ENDOD1: variants seen among roughly 807,000 people sequenced by gnomAD.
ENDOD1 encodes endonuclease domain-containing 1 protein.
In ENDOD1, 9 loss-of-function variants were observed where a neutral mutation model predicts 6.5. The ratio of observed to expected loss-of-function variants is 1.39; its 90% CI spans 0.84 to 2.43. The LOEUF is 2.43. Among genes scored for constraint, ENDOD1 ranks in the 30% most tolerant of loss-of-function variants. ENDOD1 has a pLI of 0.00. For missense variants in ENDOD1, 648 were observed against 635.5 expected (o/e 1.02, Z -0.21); for synonymous variants, 255 against 255.2 (o/e 1.00, Z 0.01).
chr11:95,094,127 A>T (rs1299214901), intron 1 of ENDOD1, among the ~76,000 whole-genome samples: 1 of 147,984 alleles, frequency 6.8e-6, no homozygotes, highest in Non-Finnish European at 1.5e-5. Flanking sequence ...TATATAAATT[A>T]TATAATTAAT....
chr11:95,122,281 G>T (rs1217850251), intron 1 of ENDOD1, among the ~76,000 whole-genome samples: 3 of 151,936 alleles, frequency 2.0e-5, no homozygotes, highest in African/African-American at 7.3e-5. Flanking sequence ...GGAGTACAAT[G>T]GCATGATCTT....
chr11:95,128,402 AG>A lies in ENDOD1; in HGVS notation c.328del (p.Glu110ArgfsTer12), dbSNP rs1449365235. ...PQIDDPNSNL[E>X]EAINEAEAIT... Reference sequence around the variant, plus strand: ...ATCGATGACCCCAACAGCAACCTTGAGGAGGCGATTAATGAGGCAGAGGCCA... The same window carrying A: ...ATCGATGACCCCAACAGCAACCTTGAGAGGCGATTAATGAGGCAGAGGCCA... On this transcript the variant is annotated frameshift_variant, in exon 2 of 2. Transcript: ENST00000278505. LOFTEE classifies it low-confidence loss of function (END_TRUNC). The A allele has an allele frequency of 6.2e-7, 1 of 1,613,800 alleles. No homozygotes were observed. Among genetic ancestry groups the A allele is most frequent in the Non-Finnish European group, 8.5e-7 (1 of 1,179,836 alleles).
chr11:95,110,543 C>T (rs1267440319), intron 1 of ENDOD1, among the ~76,000 whole-genome samples: 1 of 151,874 alleles, frequency 6.6e-6, no homozygotes, highest in African/African-American at 2.4e-5. Flanking sequence ...TCCCTTCTCT[C>T]TGACAACTCT....
At chr11:95,126,126 C>T (rs1859309952) in intron 1 of ENDOD1, among the ~76,000 whole-genome samples, 1 of 152,174 alleles carries the variant, frequency 6.6e-6, no homozygotes, top group Admixed American at 6.5e-5. Flanking sequence ...GTAGGGTCAA[C>T]CGATAGATTA....
chr11:95,129,439 A>C lies in ENDOD1; in HGVS notation c.1363A>C (p.Ile455Leu). ...MGAIPIVCKD[I>L]ALGLGGTVSL... Reference sequence around the variant, plus strand: ...CGCTATTCCAATTGTTTGCAAGGACATTGCACTGGGCCTTGGTGGCACTGT... The same window carrying C: ...CGCTATTCCAATTGTTTGCAAGGACCTTGCACTGGGCCTTGGTGGCACTGT... Residue 455 changes from isoleucine (I) to leucine (L), a missense_variant, in exon 2 of 2, where the codon ATT becomes CTT. By Grantham distance (5) the Ile-to-Leu change is conservative (BLOSUM62 2). Transcript: ENST00000278505. 1 of 1,614,188 alleles carries C rather than the reference A, an allele frequency of 6.2e-7. No individual in the cohort carries two copies. The highest frequency in any genetic ancestry group is 8.5e-7 in the Non-Finnish European group (1 of 1,180,046).
Position 95,129,725 on chromosome 11 carries a change from A to G in ENDOD1, c.*146A>G. 1 of 811,196 alleles carries G rather than the reference A, an allele frequency of 1.2e-6. No homozygotes were observed. The highest frequency in any genetic ancestry group is 1.8e-5 in the South Asian group (1 of 55,676). 50.2% of individuals were successfully genotyped at this position (811,196 alleles called of 1,614,324 possible). A position where few individuals can be genotyped will look rare whatever the true frequency, so the allele number is the denominator to read the frequency against. ...GCTTGTTTTTGCAAAAGAAGATGGC[A>G]GAATTTAGACTTGACAGAGGAGAAA... On this transcript the variant is annotated 3_prime_UTR_variant, in exon 2 of 2. Transcript: ENST00000278505.
intron 1 of ENDOD1, among the ~76,000 whole-genome samples, chr11:95,125,698 G>GT (rs1167829195): frequency 2.0e-5 from 3 of 151,246 alleles, no homozygotes; most frequent in African/African-American, 7.3e-5. Context: ...GTGGTATTTG[G>GT]TTTTTTGTCC....
intron 1 of ENDOD1, among the ~76,000 whole-genome samples, chr11:95,114,686 G>C (rs1859187183): frequency 1.3e-5 from 2 of 152,034 alleles, no homozygotes; most frequent in African/African-American, 4.8e-5. Context: ...TAACAGATTG[G>C]GGTCTGCTTT....
intron 1 of ENDOD1, among the ~76,000 whole-genome samples, chr11:95,101,482 A>C (rs1467224397): frequency 6.6e-6 from 1 of 152,144 alleles, no homozygotes; most frequent in Non-Finnish European, 1.5e-5. Context: ...TAATCTTTTT[A>C]TTGTCTCGGT....
intron 1 of ENDOD1, among the ~76,000 whole-genome samples, chr11:95,099,127 C>T (rs1371028502): frequency 6.6e-6 from 1 of 152,102 alleles, no homozygotes; most frequent in Non-Finnish European, 1.5e-5. Context: ...CCCCCTTGTA[C>T]AGTCTTGTTC....
intron 1 of ENDOD1, among the ~76,000 whole-genome samples, chr11:95,098,285 G>T (rs1266417034): frequency 6.6e-6 from 1 of 152,150 alleles, no homozygotes; most frequent in Non-Finnish European, 1.5e-5. Context: ...GCCTATAGTT[G>T]ATGATATTGT....
chr11:95,121,465 T>A (rs1269848963), intron 1 of ENDOD1, among the ~76,000 whole-genome samples: 1 of 152,228 alleles, frequency 6.6e-6, no homozygotes, highest in Non-Finnish European at 1.5e-5. Context: ...GTTGTTATTA[T>A]TTTCAGTTTC....
chr11:95,089,849 G>A lies in ENDOD1; in HGVS notation c.-79G>A, dbSNP rs1451211394. On this transcript the variant is annotated 5_prime_UTR_variant, in exon 1 of 2. The change creates a new upstream start codon in the 5' untranslated region. Coordinates refer to ENST00000278505, the MANE Select transcript of ENDOD1 (RefSeq NM_015036.3). ...CTTCCCTACCCTGCTCGGCTGCGTA[G>A]TGCGCTCCCCGCCCAGCCTGCAGAG... The A allele has an allele frequency of 8.0e-7, 1 of 1,251,120 alleles. No homozygotes were observed. Among genetic ancestry groups the A allele is most frequent in the Admixed American group, 4.3e-5 (1 of 22,990 alleles). The allele number at this position is 1,251,120 out of a possible 1,614,324, so 77.5% of individuals were successfully genotyped here. A position where few individuals can be genotyped will look rare whatever the true frequency, so the allele number is the denominator to read the frequency against.
intron 1 of ENDOD1, among the ~76,000 whole-genome samples, chr11:95,123,484 A>G (rs546377394): frequency 6.6e-6 from 1 of 152,080 alleles, no homozygotes; most frequent in Admixed American, 6.5e-5. Flanking sequence ...GCCCATTGTT[A>G]GTAAGAGGCT....
chr11:95,128,741 C>A lies in ENDOD1; in HGVS notation c.665C>A (p.Ala222Glu). 6.2e-7 allele frequency: 1 copy of A among 1,614,184 alleles called. No homozygotes were observed. The highest frequency in any genetic ancestry group is 8.5e-7 in the Non-Finnish European group (1 of 1,180,034). ...GCAGTCCCTGAGTTTGTTTGGCTGG[C>A]AGCCTGTTGTGCTGTCCCTGGAGGA... ...KVAVPEFVWL[A>E]ACCAVPGGGW... Residue 222 changes from alanine to glutamate, a missense_variant, in exon 2 of 2, where the codon GCA (alanine) becomes GAA (glutamate). Ala to Glu is a moderately radical substitution (Grantham distance 107). Transcript: ENST00000278505.
rs1334100610 is a variant in ENDOD1, at chr11:95,129,111, A to C, written c.1035A>C (p.Leu345Phe). ...IATPFIKLFQ[L>F]IYYLVVAILK... ...CCCCATTCATCAAGCTTTTTCAATT[A>C]ATTTATTACCTTGTGGTAGCAATCC... The change falls in exon 2 of 2, where the codon TTA (leucine) becomes TTC (phenylalanine). Residue 345 changes from leucine (L) to phenylalanine (F), a missense_variant. Coordinates refer to ENST00000278505, the MANE Select transcript of ENDOD1 (RefSeq NM_015036.3). 4 of 1,614,004 alleles carry C rather than the reference A, an allele frequency of 2.5e-6. No individual in the cohort carries two copies. The highest frequency in any genetic ancestry group is 3.4e-6 in the Non-Finnish European group (4 of 1,180,026).
At chr11:95,110,782 C>G (rs782596853) in intron 1 of ENDOD1, among the ~76,000 whole-genome samples, 3 of 152,184 alleles carry the variant, frequency 2.0e-5, no homozygotes, top group Non-Finnish European at 4.4e-5. Flanking sequence ...ACTCCATTGT[C>G]CCATGGTGTA....
rs1386657968 is a variant in ENDOD1, at chr11:95,131,447, A to C, written c.*1868A>C. 5.3e-5 allele frequency: 8 copies of C among 152,238 alleles called. No homozygotes were observed. The highest frequency in any genetic ancestry group is 1.9e-4 in the African/African-American group (8 of 41,444). 9.4% of individuals were successfully genotyped at this position (152,238 alleles called of 1,614,324 possible). A position where few individuals can be genotyped will look rare whatever the true frequency, so the allele number is the denominator to read the frequency against. On this transcript the variant is annotated 3_prime_UTR_variant, in exon 2 of 2. Transcript: ENST00000278505. The stretch of plus-strand genomic sequence containing the variant: ...TTGATAAGGAACCCAAGGCCCTGGG[A>C]GGCAACAGGCTAGCCCTTAGTTTCA...
intron 1 of ENDOD1, among the ~76,000 whole-genome samples, chr11:95,112,230 C>T (rs1859158487): frequency 6.6e-6 from 1 of 152,222 alleles, no homozygotes; most frequent in South Asian, 2.1e-4. Context: ...CCATTTTTGT[C>T]TCTCATTTGT....
Sources: allele counts gnomAD v4.1 joint callset (sites outside exome capture counted in the v4.1 genomes callset), GRCh38; gene constraint gnomAD v4.1.1; transcripts MANE v1.5; gene names NCBI Gene and HGNC (gene_info 2026-07-23, HGNC 2026-07-21).